Variants in PSMD12 observed in about 807,000 individuals in gnomAD.
PSMD12 encodes the protein 26S proteasome non-ATPase regulatory subunit 12.
Under a neutral mutation model 62.9 loss-of-function variants are expected in PSMD12, and 8 were observed. The observed-to-expected ratio is 0.13, with a 90% CI of 0.07 to 0.23. PSMD12 has a LOEUF of 0.23. PSMD12 is among the 10% of genes least tolerant of loss of function. PSMD12 has a pLI of 1.00. For synonymous variants in PSMD12, 173 were observed against 187.4 expected, an observed-to-expected ratio of 0.92 and a Z score of 0.63; for missense variants, 424 against 550.2, an observed-to-expected ratio of 0.77 and a Z score of 2.29.
intron 1 of PSMD12, chr17:67,362,786 AC>A (rs2143739848): frequency 6.6e-6 from 1 of 152,282 alleles, no homozygotes; most frequent in South Asian, 2.1e-4. Flanking sequence ...CTTGAGTAAA[AC>A]ACAAGCTCTC....
intron 3 of PSMD12, among the ~76,000 whole-genome samples, chr17:67,356,106 G>A (rs1274038781): frequency 6.6e-6 from 1 of 152,058 alleles, no homozygotes; most frequent in Admixed American, 6.6e-5. Flanking sequence ...GGTCATCCTG[G>A]AAATGCAGCC....
chr17:67,356,557 C>CAAAAAAAA lies in PSMD12; in HGVS notation c.297+738_297+745dup, dbSNP rs35353017. Among the ~76,000 whole-genome samples the CAAAAAAAA allele has an allele frequency of 4.9e-3, 73 of 14,992 alleles. 9 individuals are homozygous for CAAAAAAAA. The highest frequency in any genetic ancestry group is 0.026 in the East Asian group (4 of 152). The allele number at this position is 14,992 out of a possible 152,430, so 9.8% of individuals were successfully genotyped here. A position where few individuals can be genotyped will look rare whatever the true frequency, so the allele number is the denominator to read the frequency against. ...TGGGCGACAGAGCGAGACTCCGTCT[C>CAAAAAAAA]AAAAAAAAAAAAAAAAAAAAAAAAA... On this transcript the variant is annotated intron_variant, in intron 3 of 10. Coordinates refer to ENST00000356126, the MANE Select transcript of PSMD12 (RefSeq NM_002816.5).
chr17:67,348,462 T>C (rs183243452), intron 5 of PSMD12, 88 bp downstream of exon 5: 7 of 1,061,990 alleles, frequency 6.6e-6, no homozygotes, highest in Admixed American at 4.4e-5. Flanking sequence ...CCCAAACATT[T>C]TGGATAAGGG....
At chr17:67,351,334 G>A (rs1349001935) in intron 3 of PSMD12, among the ~76,000 whole-genome samples, 2 of 151,580 alleles carry the variant, frequency 1.3e-5, no homozygotes, top group Admixed American at 1.3e-4. Flanking sequence ...GGAGCTTGCA[G>A]TAAGCCAAGA....
chr17:67,363,299 G>A (rs1305250668), intron 1 of PSMD12, among the ~76,000 whole-genome samples: 2 of 152,080 alleles, frequency 1.3e-5, no homozygotes, highest in Non-Finnish European at 2.9e-5. Flanking sequence ...CAACAGGTGC[G>A]TACCACAACA....
At chr17:67,345,685 A>G (rs1047923130) in intron 8 of PSMD12, 60 bp downstream of exon 8, 15 of 1,447,742 alleles carry the variant, frequency 1.0e-5, no homozygotes, top group Admixed American at 1.7e-5. Context: ...AGGTTAGCCA[A>G]TTTTCTTTCA....
chr17:67,344,664 C>G lies in PSMD12; in HGVS notation c.1025G>C (p.Gly342Ala), dbSNP rs1320597743. 8.1e-6 allele frequency: 13 copies of G among 1,613,510 alleles called. 1 individual carries two copies. In the South Asian group the frequency reaches 1.3e-4, roughly 16 times the overall value. ...CCTTTTTTCACCTTCCTCTGTAGAA[C>G]CAAAAACATCCGTTGCAGGACTCTC... ...SLESPATDVF[G>A]STEEGEKRWK... The change falls in exon 9 of 11, where the codon GGT becomes GCT. Residue 342 changes from glycine to alanine, a missense_variant. Physicochemically the swap from Gly to Ala is moderately conservative, Grantham distance 60. Coordinates refer to ENST00000356126, the MANE Select transcript of PSMD12 (RefSeq NM_002816.5).
chr17:67,360,346 A>G (rs746627936), intron 1 of PSMD12, among the ~76,000 whole-genome samples: 22 of 152,244 alleles, frequency 1.4e-4, no homozygotes, highest in Non-Finnish European at 2.4e-4. Flanking sequence ...CTAAAGCCAC[A>G]GTCTGGAGTA....
Position 67,339,782 on chromosome 17 carries a change from T to C in PSMD12, c.*1061A>G, listed in dbSNP as rs951213902. 1.3e-5 allele frequency: 2 copies of C among 152,100 alleles called. No individual in the cohort carries two copies. Among genetic ancestry groups the C allele is most frequent in the Non-Finnish European group, 2.9e-5 (2 of 68,002 alleles). 9.4% of individuals were successfully genotyped at this position (152,100 alleles called of 1,614,324 possible). ...AATAAATCAAATTAAACTTGCAAAA[T>C]TCGTTCACACCAATTCATCTCAGGT... On this transcript the variant is annotated 3_prime_UTR_variant, in exon 11 of 11. Coordinates refer to ENST00000356126, the MANE Select transcript of PSMD12 (RefSeq NM_002816.5).
intron 3 of PSMD12, among the ~76,000 whole-genome samples, chr17:67,352,937 C>A (rs1168618741): frequency 6.6e-6 from 1 of 152,242 alleles, no homozygotes; most frequent in East Asian, 1.9e-4. Context: ...TTTGTATATG[C>A]CAAAGCGAAG....
chr17:67,342,710 GA>G (rs2041926483), intron 9 of PSMD12, among the ~76,000 whole-genome samples: 2 of 152,112 alleles, frequency 1.3e-5, no homozygotes, highest in African/African-American at 4.8e-5. Flanking sequence ...GCTGAGGCAA[GA>G]AGACTGTTTG....
At chr17:67,345,372 T>G (rs1050521508) in intron 8 of PSMD12, among the ~76,000 whole-genome samples, 1 of 152,230 alleles carries the variant, frequency 6.6e-6, no homozygotes, top group South Asian at 2.1e-4. Context: ...CCAGGCGCAG[T>G]GGCTCAAGCC....
intron 10 of PSMD12, 137 bp from the exon 11 acceptor site, chr17:67,341,189 C>T: frequency 1.5e-6 from 1 of 680,254 alleles, no homozygotes; most frequent in Middle Eastern, 3.8e-4. Context: ...TAACACTCAG[C>T]TGGGTGTGGT....
rs116732194 is a variant in PSMD12, at chr17:67,345,890, A to G, written c.796-33T>C. On this transcript the variant is annotated intron_variant, in intron 7 of 10. Transcript: ENST00000356126. ...AGTTGTACAACAAGTTATATGCAAG[A>G]CTGGACATAATGGAAACTTTGACAA... 2,462 of 1,535,470 alleles carry G rather than the reference A, an allele frequency of 1.6e-3. 37 individuals are homozygous for G. In the African/African-American group the frequency reaches 0.03, roughly 19 times the overall value.
In PSMD12 at chr17:67,348,636, G is replaced by A. The variant is rs760008709; in HGVS notation, c.424C>T (p.Arg142Cys). 5 of 1,609,230 alleles carry A rather than the reference G, an allele frequency of 3.1e-6. No individual in the cohort carries two copies. Among genetic ancestry groups the A allele is most frequent in the South Asian group, 2.2e-5 (2 of 89,832 alleles). Residue 142 changes from arginine to cysteine, a missense_variant, in exon 5 of 11, where the codon CGT (arginine) becomes TGT (cysteine). Coordinates refer to ENST00000356126, the MANE Select transcript of PSMD12 (RefSeq NM_002816.5). Reference protein sequence around the residue: ...TEGKIYVEIERARLTKTLATI... With the variant: ...TEGKIYVEIECARLTKTLATI... Reference sequence around the variant, plus strand: ...GCTAATGTTTTAGTCAGTCGCGCACGCTCAATTTCAACATAAATCTACAAA... The same window carrying A: ...GCTAATGTTTTAGTCAGTCGCGCACACTCAATTTCAACATAAATCTACAAA...
intron 1 of PSMD12, among the ~76,000 whole-genome samples, chr17:67,359,110 C>A (rs1330617128): frequency 6.6e-6 from 1 of 152,108 alleles, no homozygotes; most frequent in African/African-American, 2.4e-5. Flanking sequence ...AATCCCAGCA[C>A]TTTGGGAGGC....
rs1001583851 is a variant in PSMD12, at chr17:67,350,708, C to A, written c.298-372G>T. 5.3e-5 allele frequency among the ~76,000 whole-genome samples: 8 copies of A among 152,270 alleles called. No individual in the cohort carries two copies. The East Asian group carries it at 1.5e-3, about 29-fold the overall frequency. ...GGCAAAAGGCGAAACGGTTCTACCA[C>A]CCGGGTGGGAGGAAGAGCCACAGTC... On this transcript the variant is annotated intron_variant, in intron 3 of 10. Coordinates refer to ENST00000356126, the MANE Select transcript of PSMD12 (RefSeq NM_002816.5).
rs1457368970 is a variant in PSMD12, at chr17:67,366,420, G to C, written c.100C>G (p.Leu34Val). ...AGCCGGCCTCTCCTCACCTTGGCTA[G>C]CTTCGCACACTCGGGTAGGCGCTGA... ...VDQRLPECAK[L>V]AKEGRLQEVI... Residue 34 changes from leucine (L) to valine (V), a missense_variant, in exon 1 of 11, where the codon CTA becomes GTA. Physicochemically the swap from Leu to Val is conservative, Grantham distance 32. Transcript: ENST00000356126. The C allele has an allele frequency of 1.2e-6, 2 of 1,611,216 alleles. No individual in the cohort carries two copies. Among genetic ancestry groups the C allele is most frequent in the East Asian group, 2.2e-5 (1 of 44,816 alleles).
At chr17:67,364,408 C>T (rs1251902866) in intron 1 of PSMD12, among the ~76,000 whole-genome samples, 1 of 152,226 alleles carries the variant, frequency 6.6e-6, no homozygotes, top group African/African-American at 2.4e-5. Flanking sequence ...TACATAAGAT[C>T]ACCAGAACAA....
Sources: allele counts gnomAD v4.1 joint callset (sites outside exome capture counted in the v4.1 genomes callset), GRCh38; gene constraint gnomAD v4.1.1; transcripts MANE v1.5; gene names NCBI Gene and HGNC (gene_info 2026-07-23, HGNC 2026-07-21).